The following LIG1 variants were observed in gnomAD, a reference collection of about 807,000 sequenced individuals.
LIG1 encodes the protein DNA ligase 1.
A neutral mutation model predicts 115.7 loss-of-function variants in LIG1; 70 were observed. That is an observed-to-expected ratio of 0.60 (90% confidence interval 0.50 to 0.74). LIG1 has a LOEUF of 0.74. LIG1 is among the 30% of genes least tolerant of loss of function. The probability of loss-of-function intolerance (pLI) is 0.00; values close to 1 mark genes in which losing one functional copy is unlikely to be tolerated. For missense variants in LIG1, 1,115 were observed against 1,225.6 expected (o/e 0.91, Z 1.35); for synonymous variants, 487 against 495.3 (o/e 0.98, Z 0.22).
intron 1 of LIG1, among the ~76,000 whole-genome samples, chr19:48,168,539 T>C (rs1468148758): frequency 6.6e-6 from 1 of 152,118 alleles, no homozygotes; most frequent in Non-Finnish European, 1.5e-5. Flanking sequence ...CACTTCTGTG[T>C]ATTTGGCCCA....
rs570040490 is a variant in LIG1 at position 48,158,356 on chromosome 19, C to A, written c.244-1216G>T. 2.5e-5 allele frequency among the ~76,000 whole-genome samples: 3 copies of A among 120,308 alleles called. No individual in the cohort carries two copies. The East Asian group carries it at 1.0e-3, about 42-fold the overall frequency. The allele number at this position is 120,308 out of a possible 152,430, so 78.9% of individuals were successfully genotyped here. On this transcript the variant is annotated intron_variant, in intron 4 of 27. Transcript: ENST00000263274. ...GGCATCTACAGAGAGCAAACGACAG[C>A]ACAGAGGAAGCCTGGGCCTCTGACC...
At chr19:48,127,888 G>C in intron 20 of LIG1, 22 bp downstream of exon 20, 1 of 1,588,134 alleles carries the variant, frequency 6.3e-7, no homozygotes, top group Non-Finnish European at 8.6e-7. Context: ...GCCTTGGCAG[G>C]CAGTGGAGCG....
At position 48,133,117 on chromosome 19, in the gene LIG1, A is replaced by C. The variant is rs1307480201; in HGVS notation, c.1610-20T>G. 1.3e-6 allele frequency: 2 copies of C among 1,501,244 alleles called. No individual in the cohort carries two copies. Among genetic ancestry groups the C allele is most frequent in the Non-Finnish European group, 1.9e-6 (2 of 1,077,290 alleles). The allele number at this position is 1,501,244 out of a possible 1,614,324, so 93.0% of individuals were successfully genotyped here. A position where few individuals can be genotyped will look rare whatever the true frequency, so the allele number is the denominator to read the frequency against. ...GAATCCCTGGGAAAGGAGGAGAGTG[A>C]GTTAGAGGAGAGGGAAGGCAATGGA... On this transcript the variant is annotated intron_variant, in intron 17 of 27. Transcript: ENST00000263274.
At chr19:48,135,547 G>C in intron 16 of LIG1, 133 bp downstream of exon 16, 1 of 785,582 alleles carries the variant, frequency 1.3e-6, no homozygotes, top group South Asian at 1.4e-5. Context: ...TCTGCTCTCA[G>C]TCACCCCGTG....
chr19:48,121,136 C>T, intron 24 of LIG1, 34 bp downstream of exon 24: 1 of 1,614,052 alleles, frequency 6.2e-7, no homozygotes, highest in Non-Finnish European at 8.5e-7. Context: ...CTCCTTCCCT[C>T]CTGCTTCTGC....
At chr19:48,133,322 G>A in intron 17 of LIG1, 1 of 570,306 alleles carries the variant, frequency 1.8e-6, no homozygotes, top group Non-Finnish European at 3.2e-6. Context: ...CACGCAGCAT[G>A]TGCAATGTCT....
rs1030715217 is a variant in LIG1, at chr19:48,166,321, C to T, written c.-57-698G>A. ...CTGAGGCAGGAGAATCGCTTGAACC[C>T]GGGAGGTAGAGGCTGCAGTGACCCG... On this transcript the variant is annotated intron_variant, in intron 1 of 27. Transcript: ENST00000263274. Among the ~76,000 whole-genome samples the T allele has an allele frequency of 2.2e-4, 34 of 152,238 alleles. 1 individual carries two copies. Among genetic ancestry groups the T allele is most frequent in the African/African-American group, 7.7e-4 (32 of 41,540 alleles).
At chr19:48,121,715 C>T (rs1448560293) in intron 23 of LIG1, among the ~76,000 whole-genome samples, 3 of 152,152 alleles carry the variant, frequency 2.0e-5, no homozygotes, top group Admixed American at 6.5e-5. Context: ...GCAGGGGAAT[C>T]GCTTGAACCC....
intron 4 of LIG1, among the ~76,000 whole-genome samples, chr19:48,160,331 G>T (rs943307637): frequency 1.3e-5 from 2 of 152,224 alleles, no homozygotes; most frequent in African/African-American, 4.8e-5. Flanking sequence ...CGTGTATCTG[G>T]GAAAGAGAGT....
At chr19:48,151,106 T>C in intron 7 of LIG1, 126 bp downstream of exon 7, 1 of 659,758 alleles carries the variant, frequency 1.5e-6, no homozygotes, top group Non-Finnish European at 2.8e-6. Flanking sequence ...CTATTATTCT[T>C]CTAGATTCGG....
chr19:48,149,962 A>G, intron 8 of LIG1, 121 bp from the exon 9 acceptor site: 2 of 1,564,048 alleles, frequency 1.3e-6, no homozygotes, highest in East Asian at 4.6e-5. Context: ...TGGTAGAGAC[A>G]AGGCCGACTT....
chr19:48,138,548 T>A (rs1205685295), intron 12 of LIG1, among the ~76,000 whole-genome samples: 2 of 152,132 alleles, frequency 1.3e-5, no homozygotes, highest in African/African-American at 4.8e-5. Flanking sequence ...TGTTATCGAA[T>A]CACACATCAA....
chr19:48,143,287 G>A (rs905858322), intron 11 of LIG1, among the ~76,000 whole-genome samples: 15 of 152,212 alleles, frequency 9.9e-5, no homozygotes, highest in Non-Finnish European at 1.5e-4. Context: ...CAGTCATCCC[G>A]AGATGGAGCC....
chr19:48,140,590 G>C (rs1291329569), intron 11 of LIG1, among the ~76,000 whole-genome samples: 1 of 152,142 alleles, frequency 6.6e-6, no homozygotes, highest in African/African-American at 2.4e-5. Flanking sequence ...TTTAGGTTTA[G>C]GGGTCACGCA....
At chr19:48,135,378 C>T (rs1015455735) in intron 16 of LIG1, among the ~76,000 whole-genome samples, 1 of 152,208 alleles carries the variant, frequency 6.6e-6, no homozygotes, top group South Asian at 2.1e-4. Flanking sequence ...CTGCTTCAGG[C>T]TCCCAAGTGC....
intron 17 of LIG1, 25 bp from the exon 18 acceptor site, chr19:48,133,122 G>A (rs376561511): frequency 1.4e-6 from 2 of 1,467,796 alleles, no homozygotes; most frequent in African/African-American, 2.8e-5. Flanking sequence ...GAGTGAGTTA[G>A]AGGAGAGGGA....
At chr19:48,116,437 G>A (rs1346443200) in intron 26 of LIG1, among the ~76,000 whole-genome samples, 4 of 111,724 alleles carry the variant, frequency 3.6e-5, no homozygotes, top group Non-Finnish European at 5.0e-5. Flanking sequence ...GACAGAGCGA[G>A]ACTCCAACTC....
At chr19:48,121,600 G>A (rs55667587) in intron 23 of LIG1, among the ~76,000 whole-genome samples, 9 of 152,132 alleles carry the variant, frequency 5.9e-5, no homozygotes, top group Admixed American at 5.2e-4. Flanking sequence ...TCGGGAGTTC[G>A]AGACCAGTCT....
chr19:48,162,422 C>A, intron 2 of LIG1, 71 bp from the exon 3 acceptor site: 2 of 1,046,454 alleles, frequency 1.9e-6, no homozygotes, highest in Non-Finnish European at 2.8e-6. Context: ...TATGCTGTAT[C>A]CTATAACTTC....
Sources: allele counts gnomAD v4.1 joint callset (sites outside exome capture counted in the v4.1 genomes callset), GRCh38; gene constraint gnomAD v4.1.1; transcripts MANE v1.5; gene names NCBI Gene and HGNC (gene_info 2026-07-23, HGNC 2026-07-21).